The following GMDS variants were observed in gnomAD, a reference collection of about 807,000 sequenced individuals.
GMDS encodes the protein GDP-mannose 4,6-dehydratase, also known as GDP-mannose 4,6 dehydratase.
Under a neutral mutation model 49.9 loss-of-function variants are expected in GMDS, and 20 were observed. That is an observed-to-expected ratio of 0.40 (90% CI 0.28 to 0.58). The LOEUF is 0.58. Ranked by LOEUF, GMDS falls within the 20% of genes least tolerant of loss-of-function variation. The pLI, the probability that GMDS is intolerant of heterozygous loss-of-function variation, is 0.42. For missense variants in GMDS, 362 were observed against 481.4 expected (o/e 0.75, Z 2.32); for synonymous variants, 177 against 178.6 (o/e 0.99, Z 0.07).
chr6:2,154,846 C>T (rs1226394484), intron 1 of GMDS, among the ~76,000 whole-genome samples: 1 of 123,292 alleles, frequency 8.1e-6, no homozygotes, highest in East Asian at 2.2e-4. Flanking sequence ...CAACAAAAGC[C>T]TCTTATTGAA....
Position 2,150,374 on chromosome 6 carries a change from C to A in GMDS, c.103-25643G>T, listed in dbSNP as rs368614971. Among the ~76,000 whole-genome samples, 158 of 152,162 alleles carry A rather than the reference C, an allele frequency of 1.0e-3. 1 individual carries two copies. Among genetic ancestry groups the A allele is most frequent in the African/African-American group, 3.6e-3 (150 of 41,502 alleles). Reference sequence around the variant, plus strand: ...AAAGCCTGGGCTACACAGTGAGACTCCTTTCTATTTTAAAAAAATAAAAAT... The same window carrying A: ...AAAGCCTGGGCTACACAGTGAGACTACTTTCTATTTTAAAAAAATAAAAAT... On this transcript the variant is annotated intron_variant, in intron 1 of 10. Coordinates refer to ENST00000380815, the MANE Select transcript of GMDS (RefSeq NM_001500.4).
At chr6:2,067,096 C>G (rs1771653965) in intron 4 of GMDS, among the ~76,000 whole-genome samples, 2 of 151,358 alleles carry the variant, frequency 1.3e-5, no homozygotes, top group South Asian at 4.2e-4. Flanking sequence ...AATTAGAACT[C>G]AGGATTAAGA....
intron 6 of GMDS, among the ~76,000 whole-genome samples, chr6:1,948,898 T>G (rs898570164): frequency 6.6e-6 from 1 of 152,222 alleles, no homozygotes; most frequent in African/African-American, 2.4e-5. Context: ...CTCGCCGAAC[T>G]ACTCTGTTTT....
chr6:1,798,159 A>G (rs1769809185), intron 7 of GMDS, among the ~76,000 whole-genome samples: 1 of 151,608 alleles, frequency 6.6e-6, no homozygotes, highest in Non-Finnish European at 1.5e-5. Context: ...AAGTTCTAGA[A>G]ATTTCATTAA....
intron 9 of GMDS, among the ~76,000 whole-genome samples, chr6:1,628,531 C>A (rs1231857313): frequency 6.6e-6 from 1 of 152,186 alleles, no homozygotes; most frequent in Admixed American, 6.5e-5. Context: ...TCATTTTCTC[C>A]CCTTTTCACT....
At chr6:1,686,956 G>T (rs184911056) in intron 9 of GMDS, among the ~76,000 whole-genome samples, 6 of 152,256 alleles carry the variant, frequency 3.9e-5, no homozygotes, top group Admixed American at 3.3e-4. Context: ...TACCAGCAGC[G>T]CCATCTGTTG....
At chr6:1,788,026 G>A (rs552579181) in intron 7 of GMDS, among the ~76,000 whole-genome samples, 37 of 152,266 alleles carry the variant, frequency 2.4e-4, no homozygotes, top group African/African-American at 8.2e-4. Flanking sequence ...GCCTTGGCAG[G>A]TTGCTCACCC....
rs945751134 is a variant in GMDS, at chr6:2,114,137, G to A, written c.345+1634C>T. The stretch of plus-strand genomic sequence containing the variant: ...AGCCCATTTAATACTAAATGACAAG[G>A]GGAAGGTCTTCTATAAATAAACCTT... On this transcript the variant is annotated intron_variant, in intron 4 of 10. Transcript: ENST00000380815. 2.6e-5 allele frequency among the ~76,000 whole-genome samples: 4 copies of A among 152,078 alleles called. No homozygotes were observed. The East Asian group carries it at 7.7e-4, about 29-fold the overall frequency.
chr6:2,152,800 A>G (rs958528695), intron 1 of GMDS, among the ~76,000 whole-genome samples: 2 of 152,216 alleles, frequency 1.3e-5, no homozygotes. Context: ...TATTAAAAGG[A>G]TAGAATCATT....
At chr6:2,097,158 G>A (rs1357799879) in intron 4 of GMDS, among the ~76,000 whole-genome samples, 1 of 152,028 alleles carries the variant, frequency 6.6e-6, no homozygotes, top group Non-Finnish European at 1.5e-5. Flanking sequence ...AGAACACCCA[G>A]AAACCCAATG....
intron 8 of GMDS, among the ~76,000 whole-genome samples, chr6:1,731,720 T>A (rs994809853): frequency 2.0e-5 from 3 of 152,198 alleles, no homozygotes; most frequent in African/African-American, 7.2e-5. Flanking sequence ...CCAAACCAAG[T>A]AGTCTTGAAT....
chr6:1,816,881 G>T (rs187356172), intron 7 of GMDS, among the ~76,000 whole-genome samples: 1 of 151,498 alleles, frequency 6.6e-6, no homozygotes. Context: ...CAATGGAAGG[G>T]GGGTGGTAGA....
intron 7 of GMDS, among the ~76,000 whole-genome samples, chr6:1,825,193 G>A (rs1250793813): frequency 1.3e-5 from 2 of 152,186 alleles, no homozygotes; most frequent in Admixed American, 6.5e-5. Context: ...CCAAAGCAAC[G>A]CATTGGCTGA....
intron 8 of GMDS, among the ~76,000 whole-genome samples, chr6:1,736,574 A>G (rs1767008156): frequency 6.6e-6 from 1 of 152,212 alleles, no homozygotes; most frequent in Admixed American, 6.5e-5. Context: ...AAGGTGAGTT[A>G]TATTTCCATC....
intron 4 of GMDS, among the ~76,000 whole-genome samples, chr6:2,036,343 T>C (rs1024471097): frequency 1.3e-5 from 2 of 152,180 alleles, no homozygotes; most frequent in South Asian, 2.1e-4. Flanking sequence ...GATTATGAAG[T>C]TGTCTTTCAT....
chr6:2,037,675 A>T (rs1296068222), intron 4 of GMDS, among the ~76,000 whole-genome samples: 1 of 152,192 alleles, frequency 6.6e-6, no homozygotes, highest in African/African-American at 2.4e-5. Context: ...GCTGTAACAT[A>T]ACAAAGCGCC....
intron 6 of GMDS, among the ~76,000 whole-genome samples, chr6:1,945,879 G>A (rs1367914130): frequency 3.3e-5 from 5 of 152,178 alleles, no homozygotes; most frequent in Non-Finnish European, 7.3e-5. Flanking sequence ...TTCTAAAACC[G>A]AAGGTATCTG....
chr6:1,715,835 T>C (rs532219680), intron 9 of GMDS, among the ~76,000 whole-genome samples: 6 of 152,242 alleles, frequency 3.9e-5, no homozygotes, highest in Non-Finnish European at 8.8e-5. Flanking sequence ...TAAGGGACTA[T>C]AGTACTTTCT....
chr6:1,732,298 G>A (rs561042032), intron 8 of GMDS, among the ~76,000 whole-genome samples: 3 of 152,316 alleles, frequency 2.0e-5, no homozygotes, highest in South Asian at 4.1e-4. Flanking sequence ...CTGCACTCCA[G>A]CCTGGTGACA....
Sources: gnomAD v4.1 joint callset for allele counts (sites outside exome capture counted in the v4.1 genomes callset) on GRCh38, gnomAD v4.1.1 for gene constraint, MANE v1.5 for transcripts, NCBI Gene and HGNC (gene_info 2026-07-23, HGNC 2026-07-21) for gene names.